RUNX1: variants seen among roughly 807,000 people sequenced by gnomAD.
RUNX1 encodes the protein RUNX family transcription factor 1.
Under a neutral mutation model 42.8 loss-of-function variants are expected in RUNX1, and 19 were observed. The observed-to-expected ratio is 0.44, with a 90% CI of 0.31 to 0.65. The LOEUF (loss-of-function observed/expected upper bound fraction) is 0.65. RUNX1 is among the 30% of genes least tolerant of loss of function. RUNX1 has a pLI of 0.07. For synonymous variants in RUNX1, 271 were observed against 289.4 expected, an observed-to-expected ratio of 0.94 and a Z score of 0.64; for missense variants, 528 against 672.0, an observed-to-expected ratio of 0.79 and a Z score of 2.37.
intron 2 of RUNX1, among the ~76,000 whole-genome samples, chr21:34,919,088 C>T (rs2058334707): frequency 6.6e-6 from 1 of 152,090 alleles, no homozygotes; most frequent in African/African-American, 2.4e-5. Flanking sequence ...GGTATTGTTC[C>T]TATTACACTA....
chr21:34,916,384 G>T (rs896382535), intron 2 of RUNX1, among the ~76,000 whole-genome samples: 1 of 152,168 alleles, frequency 6.6e-6, no homozygotes, highest in Non-Finnish European at 1.5e-5. Context: ...CTGTCCTGGA[G>T]AATTTGAGGG....
At chr21:35,010,686 A>G (rs1019402921) in intron 2 of RUNX1, among the ~76,000 whole-genome samples, 10 of 152,156 alleles carry the variant, frequency 6.6e-5, no homozygotes, top group Middle Eastern at 3.4e-3. Flanking sequence ...AAACTACCCC[A>G]GGCCATTCCC....
intron 6 of RUNX1, among the ~76,000 whole-genome samples, chr21:34,845,505 C>T (rs2268282): frequency 0.19 from 28,483 of 152,158 alleles, 3,133 homozygotes; most frequent in East Asian, 0.48. Flanking sequence ...CTCTGTGTTA[C>T]GCAGGCAATA....
At chr21:34,996,933 CTCA>C (rs2059001032) in intron 2 of RUNX1, among the ~76,000 whole-genome samples, 1 of 152,192 alleles carries the variant, frequency 6.6e-6, no homozygotes, top group African/African-American at 2.4e-5. Context: ...TTTTGCAAAT[CTCA>C]GAAACATTGC....
chr21:34,876,946 T>C (rs2057822776), intron 5 of RUNX1, among the ~76,000 whole-genome samples: 1 of 152,186 alleles, frequency 6.6e-6, no homozygotes, highest in Admixed American at 6.5e-5. Flanking sequence ...AACCTCTACC[T>C]CCTGGGTTCA....
intron 2 of RUNX1, among the ~76,000 whole-genome samples, chr21:34,960,923 T>C (rs1223452939): frequency 6.6e-6 from 1 of 152,172 alleles, no homozygotes; most frequent in Admixed American, 6.5e-5. Context: ...GGTCCCCTCT[T>C]ATTCAGGAAT....
intron 7 of RUNX1, among the ~76,000 whole-genome samples, chr21:34,816,665 TG>T (rs2056831404): frequency 6.6e-6 from 1 of 151,984 alleles, no homozygotes; most frequent in Admixed American, 6.6e-5. Flanking sequence ...TGAGGTGCCC[TG>T]AAGAATGGCA....
chr21:35,019,289 C>T (rs2059181290), intron 2 of RUNX1, among the ~76,000 whole-genome samples: 1 of 152,302 alleles, frequency 6.6e-6, no homozygotes, highest in African/African-American at 2.4e-5. Flanking sequence ...GACCTGAGTC[C>T]TCTGTAATGG....
intron 2 of RUNX1, among the ~76,000 whole-genome samples, chr21:34,951,156 G>C (rs1324612514): frequency 1.3e-5 from 2 of 152,200 alleles, no homozygotes; most frequent in African/African-American, 2.4e-5. Context: ...CCAAGGGATA[G>C]TTCACATGGT....
intron 8 of RUNX1, chr21:34,798,085 A>G: frequency 2.2e-6 from 1 of 456,700 alleles, no homozygotes; most frequent in Non-Finnish European, 4.4e-6. Flanking sequence ...TGAAGTAATC[A>G]CAACTGTCTG....
chr21:34,806,073 G>T (rs1396199082), intron 7 of RUNX1, among the ~76,000 whole-genome samples: 2 of 152,104 alleles, frequency 1.3e-5, no homozygotes, highest in Non-Finnish European at 2.9e-5. Flanking sequence ...GAGGTGTGGG[G>T]GGAAGAATCA....
At chr21:34,975,961 G>A (rs1332966588) in intron 2 of RUNX1, among the ~76,000 whole-genome samples, 1 of 152,118 alleles carries the variant, frequency 6.6e-6, no homozygotes, top group Non-Finnish European at 1.5e-5. Flanking sequence ...TTCACGGCCA[G>A]TTGAGTTGTG....
At chr21:34,886,723 C>CG in intron 4 of RUNX1, 120 bp downstream of exon 4, 2 of 1,499,126 alleles carry the variant, frequency 1.3e-6, no homozygotes, top group Non-Finnish European at 9.1e-7. Context: ...AAGACCGACC[C>CG]GGGGCTGCGG....
At chr21:34,908,579 G>T (rs931857756) in intron 2 of RUNX1, among the ~76,000 whole-genome samples, 2 of 152,132 alleles carry the variant, frequency 1.3e-5, no homozygotes, top group African/African-American at 4.8e-5. Flanking sequence ...TGTGGACAGG[G>T]GGGTCGGGGG....
chr21:34,887,014 G>A lies in RUNX1; in HGVS notation c.180C>T (p.Ala60=), dbSNP rs375562861. ...GKMSEALPLG[A]PDAGAALAGK... ...CGGCCAGGGCAGCGCCGGCGTCCGG[G>A]GCGCCCAGCGGCAACGCCTCGCTCA... is the stretch of plus-strand genomic sequence containing the variant. The change falls in exon 4 of 9, where the codon GCC becomes GCT. Residue 60 remains alanine, a synonymous_variant. Coordinates refer to ENST00000675419, the MANE Select transcript of RUNX1 (RefSeq NM_001754.5). The A allele has an allele frequency of 3.1e-6, 5 of 1,601,960 alleles. No homozygotes were observed. Among genetic ancestry groups the A allele is most frequent in the East Asian group, 2.2e-5 (1 of 44,764 alleles).
chr21:34,930,376 C>A (rs1447909821), intron 2 of RUNX1, among the ~76,000 whole-genome samples: 2 of 150,614 alleles, frequency 1.3e-5, no homozygotes, highest in East Asian at 3.9e-4. Flanking sequence ...GATGACATGA[C>A]TAGAGGAGGG....
intron 7 of RUNX1, among the ~76,000 whole-genome samples, chr21:34,819,296 C>G (rs1601387852): frequency 1.3e-5 from 2 of 152,170 alleles, no homozygotes; most frequent in Admixed American, 1.3e-4. Context: ...GCCCAGAGCT[C>G]GAGCCCCCGG....
intron 2 of RUNX1, among the ~76,000 whole-genome samples, chr21:34,959,439 C>T (rs1263355381): frequency 6.6e-6 from 1 of 152,142 alleles, no homozygotes; most frequent in Non-Finnish European, 1.5e-5. Flanking sequence ...AATACTAAGG[C>T]ATGGAGAACA....
At chr21:34,945,335 T>C (rs2058556502) in intron 2 of RUNX1, among the ~76,000 whole-genome samples, 1 of 152,252 alleles carries the variant, frequency 6.6e-6, no homozygotes, top group South Asian at 2.1e-4. Flanking sequence ...CTTACAAACA[T>C]GCTCAGGCTT....
Sources: allele counts gnomAD v4.1 joint callset (sites outside exome capture counted in the v4.1 genomes callset), GRCh38; gene constraint gnomAD v4.1.1; transcripts MANE v1.5; gene names NCBI Gene and HGNC (gene_info 2026-07-23, HGNC 2026-07-21).